Variants in COL12A1 observed in about 807,000 individuals in gnomAD.
The protein encoded by COL12A1 is collagen type XII alpha 1 chain, also known as collagen alpha-1(XII) chain.
COL12A1 carries 114 observed loss-of-function variants against 349.7 expected under a neutral mutation model. The ratio of observed to expected loss-of-function variants is 0.33; its 90% confidence interval spans 0.28 to 0.38. COL12A1 has a LOEUF of 0.38. Among genes scored for constraint, COL12A1 ranks in the 10% least tolerant of loss-of-function variants. COL12A1 has a pLI of 1.00. For missense variants in COL12A1, 3,284 were observed against 3,756.9 expected (o/e 0.87, Z 3.29); for synonymous variants, 1,369 against 1,329.0 (o/e 1.03, Z -0.66).
chr6:75,102,987 T>C (rs1416057580), intron 55 of COL12A1, among the ~76,000 whole-genome samples: 24 of 152,238 alleles, frequency 1.6e-4, no homozygotes, highest in Non-Finnish European at 5.9e-5. Flanking sequence ...CATAGATTTA[T>C]ATGAGATTAA....
intron 45 of COL12A1, 29 bp downstream of exon 45, chr6:75,119,321 G>A: frequency 6.2e-7 from 1 of 1,606,536 alleles, no homozygotes; most frequent in Non-Finnish European, 8.5e-7. Context: ...ACAAATGCTT[G>A]AAGAGTAAAG....
At chr6:75,096,476 A>G (rs1768030996) in intron 59 of COL12A1, among the ~76,000 whole-genome samples, 1 of 152,192 alleles carries the variant, frequency 6.6e-6, no homozygotes, top group Non-Finnish European at 1.5e-5. Context: ...TAGTTTCAGT[A>G]TTTTCCCAAT....
At chr6:75,188,683 T>C (rs1769762058) in intron 7 of COL12A1, 148 bp from the exon 8 acceptor site, 2 of 874,048 alleles carry the variant, frequency 2.3e-6, no homozygotes, top group Admixed American at 2.7e-5. Flanking sequence ...TTCATAACAG[T>C]TGCACATGCA....
rs757071502 is a variant in COL12A1, at chr6:75,124,242, T to C, written c.6724+13A>G. 4.7e-5 allele frequency: 76 copies of C among 1,607,392 alleles called. No homozygotes were observed. The highest frequency in any genetic ancestry group is 6.4e-5 in the Non-Finnish European group (75 of 1,177,658). On this transcript the variant is annotated intron_variant, in intron 41 of 65. Coordinates refer to ENST00000322507, the MANE Select transcript of COL12A1 (RefSeq NM_004370.6). ...CATGCTCCAGATCATTTTTTTCTTT[T>C]TTACACACATACCATCTGCAGGGCT...
intron 5 of COL12A1, among the ~76,000 whole-genome samples, chr6:75,191,450 C>T (rs896994857): frequency 6.6e-6 from 1 of 151,888 alleles, no homozygotes; most frequent in South Asian, 2.1e-4. Context: ...GTTGGACACA[C>T]ACAATTTCAA....
In COL12A1 at chr6:75,134,865, A is replaced by G. The variant is rs536355264; in HGVS notation, c.5395-10T>C. The G allele has an allele frequency of 1.2e-6, 2 of 1,608,142 alleles. No individual in the cohort carries two copies. Among genetic ancestry groups the G allele is most frequent in the Non-Finnish European group, 1.7e-6 (2 of 1,176,220 alleles). On this transcript the variant is annotated splice_polypyrimidine_tract_variant and intron_variant, in intron 31 of 65. Transcript: ENST00000322507. The stretch of plus-strand genomic sequence containing the variant: ...GTCCTCCTATTGTGGTCTTGAGTAA[A>G]AAGGGTCTTGGTAAGTGTCAGCCTT...
chr6:75,154,105 A>G (rs1014845621), intron 17 of COL12A1, among the ~76,000 whole-genome samples: 8 of 151,720 alleles, frequency 5.3e-5, no homozygotes, highest in Non-Finnish European at 1.2e-4. Context: ...ATAATTTAAA[A>G]TTACTACATT....
Position 75,138,525 on chromosome 6 carries a change from G to T in COL12A1, c.5153C>A (p.Thr1718Asn). 1 of 1,614,068 alleles carries T rather than the reference G, an allele frequency of 6.2e-7. No individual in the cohort carries two copies. Among genetic ancestry groups the T allele is most frequent in the Non-Finnish European group, 8.5e-7 (1 of 1,179,958 alleles). Residue 1718 changes from threonine to asparagine, a missense_variant, in exon 29 of 66, where the codon ACC (threonine) becomes AAC (asparagine). Physicochemically the swap from Thr to Asn is moderately conservative, Grantham distance 65. Coordinates refer to ENST00000322507, the MANE Select transcript of COL12A1 (RefSeq NM_004370.6). The stretch of plus-strand genomic sequence containing the variant: ...GGCAGTAATGGAAACTTCATAGATG[G>T]TGTTGGGGTTCAGGTTTTCGAACAC... ...TLVFENLNPN[T>N]IYEVSITAIY...
chr6:75,119,951 G>C (rs951461214), intron 44 of COL12A1, among the ~76,000 whole-genome samples: 2 of 152,190 alleles, frequency 1.3e-5, no homozygotes, highest in African/African-American at 2.4e-5. Context: ...ATGGGATTTA[G>C]TGGAAAAAGT....
intron 2 of COL12A1, among the ~76,000 whole-genome samples, 167 bp from the exon 3 acceptor site, chr6:75,195,114 G>A (rs1018238436): frequency 6.6e-6 from 1 of 152,098 alleles, no homozygotes; most frequent in African/African-American, 2.4e-5. Flanking sequence ...ACTAAAAGCT[G>A]ACAAAACATC....
At position 75,145,349 on chromosome 6, in the gene COL12A1, G is replaced by T; in HGVS notation, c.4667C>A (p.Pro1556His). Residue 1556 changes from proline to histidine, a missense_variant, in exon 25 of 66, where the codon CCT (proline) becomes CAT (histidine). This residue lies in a region of COL12A1 where 2,601 missense variants were observed against 2,824.8 expected (regional missense o/e 0.92). Coordinates refer to ENST00000322507, the MANE Select transcript of COL12A1 (RefSeq NM_004370.6). ...QAVLHDLTSE[P>H]VTVREVTLPL... ...ACAGGTGACTTCCCGAACAGTGACAGGTTCACTAGTGAGGTCGTGCAGGAC... is the reference window on the plus strand; with the variant it reads ...ACAGGTGACTTCCCGAACAGTGACATGTTCACTAGTGAGGTCGTGCAGGAC... 1 of 1,611,688 alleles carries T rather than the reference G, an allele frequency of 6.2e-7. No homozygotes were observed. Among genetic ancestry groups the T allele is most frequent in the South Asian group, 1.1e-5 (1 of 90,782 alleles).
chr6:75,084,874 A>G lies in COL12A1; in HGVS notation c.*1673T>C, dbSNP rs929345342. The G allele has an allele frequency of 3.5e-5, 6 of 172,646 alleles. No individual in the cohort carries two copies. Among genetic ancestry groups the G allele is most frequent in the African/African-American group, 1.4e-4 (6 of 42,302 alleles). 10.7% of individuals were successfully genotyped at this position (172,646 alleles called of 1,614,324 possible). A position where few individuals can be genotyped will look rare whatever the true frequency, so the allele number is the denominator to read the frequency against. ...ACAGCAGCTCTGGGTTCCAGGACTT[A>G]ACTGCTTAACCTAAGAGTTTCACTG... is the stretch of plus-strand genomic sequence containing the variant. On this transcript the variant is annotated 3_prime_UTR_variant, in exon 66 of 66. Coordinates refer to ENST00000322507, the MANE Select transcript of COL12A1 (RefSeq NM_004370.6).
intron 27 of COL12A1, among the ~76,000 whole-genome samples, chr6:75,141,003 C>T (rs1054349144): frequency 6.6e-6 from 1 of 152,140 alleles, no homozygotes; most frequent in African/African-American, 2.4e-5. Flanking sequence ...GGTAAAATGT[C>T]TCGTTAATAA....
At position 75,138,851 on chromosome 6, in the gene COL12A1, C is replaced by T; in HGVS notation, c.5068G>A (p.Ala1690Thr). 6.2e-7 allele frequency: 1 copy of T among 1,613,998 alleles called. No individual in the cohort carries two copies. Among genetic ancestry groups the T allele is most frequent in the Non-Finnish European group, 8.5e-7 (1 of 1,179,934 alleles). ...ATCTTATCTGAGCTTCCAAAAGGTG[C>T]CCAAGTTATTCTGTAGAGAGACACA... is the stretch of plus-strand genomic sequence containing the variant. ...SDVSLYRITW[A>T]PFGSSDKMET... Residue 1690 changes from alanine (A) to threonine (T), a missense_variant, in exon 28 of 66, where the codon GCA (alanine) becomes ACA (threonine). Transcript: ENST00000322507.
intron 2 of COL12A1, among the ~76,000 whole-genome samples, chr6:75,198,389 G>A (rs989766949): frequency 1.5e-4 from 22 of 151,048 alleles, no homozygotes; most frequent in African/African-American, 5.4e-4. Context: ...GTAAATATAA[G>A]CAATATTTAT....
intron 7 of COL12A1, among the ~76,000 whole-genome samples, chr6:75,188,763 G>A (rs1769766916): frequency 6.6e-6 from 1 of 152,092 alleles, no homozygotes; most frequent in Non-Finnish European, 1.5e-5. Flanking sequence ...AAAAGTGGTT[G>A]GTTAAACAGA....
At chr6:75,162,512 A>C (rs1768077606) in intron 14 of COL12A1, among the ~76,000 whole-genome samples, 1 of 152,254 alleles carries the variant, frequency 6.6e-6, no homozygotes. Context: ...AATTAACTCA[A>C]GATGGAGTAA....
At chr6:75,179,269 A>T (rs1037909253) in intron 11 of COL12A1, among the ~76,000 whole-genome samples, 1 of 152,196 alleles carries the variant, frequency 6.6e-6, no homozygotes, top group Non-Finnish European at 1.5e-5. Flanking sequence ...ATGACCAAAA[A>T]CTAGAGTGTG....
In COL12A1 at chr6:75,184,159, G is replaced by A; in HGVS notation, c.998-15C>T. 2 of 1,609,880 alleles carry A rather than the reference G, an allele frequency of 1.2e-6. No homozygotes were observed. The highest frequency in any genetic ancestry group is 1.7e-6 in the Non-Finnish European group (2 of 1,178,058). Reference sequence around the variant, plus strand: ...AGGCTCAACAACTAAAAAGTTACAAGCAGACAGTGATTAATAACAGTGAGA... The same window carrying A: ...AGGCTCAACAACTAAAAAGTTACAAACAGACAGTGATTAATAACAGTGAGA... On this transcript the variant is annotated splice_polypyrimidine_tract_variant and intron_variant, in intron 8 of 65. Transcript: ENST00000322507.
Sources: allele counts gnomAD v4.1 joint callset (sites outside exome capture counted in the v4.1 genomes callset), GRCh38; gene constraint gnomAD v4.1.1; regional missense constraint gnomAD v4.1.1; transcripts MANE v1.5; gene names NCBI Gene and HGNC (gene_info 2026-07-23, HGNC 2026-07-21).